The following CMIP variants were observed in gnomAD, a reference collection of about 807,000 sequenced individuals.
CMIP encodes the protein c-Maf inducing protein.
CMIP carries 13 observed loss-of-function variants against 97.3 expected under a neutral mutation model. The ratio of observed to expected loss-of-function variants is 0.13; its 90% CI spans 0.09 to 0.21. The LOEUF (loss-of-function observed/expected upper bound fraction) is 0.21. Ranked by LOEUF, CMIP falls within the 10% of genes least tolerant of loss-of-function variation. The probability of loss-of-function intolerance (pLI) is 1.00; values close to 1 mark genes in which losing one functional copy is unlikely to be tolerated. For missense variants in CMIP, 847 were observed against 1,024.9 expected (o/e 0.83, Z 2.37); for synonymous variants, 538 against 436.3 (o/e 1.23, Z -2.91).
intron 3 of CMIP, among the ~76,000 whole-genome samples, chr16:81,642,016 C>G (rs2092312127): frequency 6.6e-6 from 1 of 152,234 alleles, no homozygotes; most frequent in African/African-American, 2.4e-5. Context: ...TACCACTCAC[C>G]TCATTTAGTG....
intron 3 of CMIP, among the ~76,000 whole-genome samples, chr16:81,638,996 G>A (rs369782691): frequency 6.6e-6 from 1 of 152,170 alleles, no homozygotes; most frequent in Non-Finnish European, 1.5e-5. Flanking sequence ...GATTAGGACC[G>A]TGTGAAGATC....
rs1443925060 is a variant in CMIP at position 81,471,998 on chromosome 16, CAG to C, written c.300+26458_300+26459del. On this transcript the variant is annotated intron_variant, in intron 1 of 20. Coordinates refer to ENST00000537098, the MANE Select transcript of CMIP (RefSeq NM_198390.3). Reference sequence around the variant, plus strand: ...CACTGCAGAAAGTGAAACCTCAGCTCAGGGGGCACTGCTGCAGGTGCACACAC... The same window carrying C: ...CACTGCAGAAAGTGAAACCTCAGCTCGGGGCACTGCTGCAGGTGCACACAC... Among the ~76,000 whole-genome samples, 21 of 152,312 alleles carry C rather than the reference CAG, an allele frequency of 1.4e-4. 1 individual carries two copies. The highest frequency in any genetic ancestry group is 2.6e-4 in the Admixed American group (4 of 15,308).
intron 2 of CMIP, chr16:81,611,485 ATC>A (rs1479774874): frequency 6.6e-6 from 1 of 152,064 alleles, no homozygotes; most frequent in African/African-American, 2.4e-5. Context: ...ATCTCTCTCC[ATC>A]TCTGTCTCTT....
intron 1 of CMIP, among the ~76,000 whole-genome samples, chr16:81,527,366 C>A (rs976328901): frequency 7.3e-5 from 11 of 151,458 alleles, no homozygotes; most frequent in African/African-American, 2.7e-4. Flanking sequence ...TAGCTAGATA[C>A]CAGAAAAAAA....
chr16:81,692,969 C>T lies in CMIP; in HGVS notation c.1455-189C>T, dbSNP rs971703529. On this transcript the variant is annotated intron_variant, in intron 11 of 20. Coordinates refer to ENST00000537098, the MANE Select transcript of CMIP (RefSeq NM_198390.3). ...GTGTGTTCATGTTGCTCTGATCTGC[C>T]GCCTCCTCAAAGAAGGCCTTTGTTT... is the stretch of plus-strand genomic sequence containing the variant. 3.9e-5 allele frequency among the ~76,000 whole-genome samples: 6 copies of T among 152,150 alleles called. No individual in the cohort carries two copies. In the South Asian group the frequency reaches 8.3e-4, roughly 21 times the overall value.
intron 3 of CMIP, among the ~76,000 whole-genome samples, chr16:81,638,735 C>A (rs998622523): frequency 2.0e-5 from 3 of 152,056 alleles, no homozygotes; most frequent in African/African-American, 7.2e-5. Context: ...GTGTTCCTGC[C>A]CCAGTTCAGC....
chr16:81,475,849 TG>T (rs1907875853), intron 1 of CMIP, among the ~76,000 whole-genome samples: 1 of 151,716 alleles, frequency 6.6e-6, no homozygotes, highest in Non-Finnish European at 1.5e-5. Context: ...TAGCTGGGTG[TG>T]GTGGGGGGCG....
At chr16:81,537,546 CAAAAAAAAAAAAA>C (rs397695977) in intron 1 of CMIP, among the ~76,000 whole-genome samples, 1 of 82,086 alleles carries the variant, frequency 1.2e-5, no homozygotes, top group Non-Finnish European at 2.3e-5. Context: ...AAAAAAAAGA[CAAAAAAAAAAAAA>C]AAAAAAAAAA....
intron 1 of CMIP, among the ~76,000 whole-genome samples, chr16:81,558,167 A>G (rs1475605046): frequency 6.6e-6 from 1 of 152,130 alleles, no homozygotes; most frequent in Non-Finnish European, 1.5e-5. Context: ...TGTATGCTGC[A>G]CCATGCTTCT....
intron 1 of CMIP, among the ~76,000 whole-genome samples, chr16:81,492,642 G>A (rs565654901): frequency 1.3e-5 from 2 of 152,236 alleles, no homozygotes; most frequent in South Asian, 2.1e-4. Flanking sequence ...GGACAAAGGC[G>A]CCTTGGGAGG....
At chr16:81,461,026 G>A (rs902233361) in intron 1 of CMIP, among the ~76,000 whole-genome samples, 9 of 152,216 alleles carry the variant, frequency 5.9e-5, no homozygotes, top group African/African-American at 2.2e-4. Flanking sequence ...AAGAGGTCCC[G>A]CCCAGGTTTG....
At chr16:81,706,887 C>T (rs1908210037) in intron 19 of CMIP, 127 bp from the exon 20 acceptor site, 2 of 750,856 alleles carry the variant, frequency 2.7e-6, no homozygotes, top group African/African-American at 1.8e-5. Flanking sequence ...TACGAAACCT[C>T]CCTCCCCAGC....
chr16:81,689,967 A>G (rs1470526910), intron 10 of CMIP, among the ~76,000 whole-genome samples: 1 of 151,966 alleles, frequency 6.6e-6, no homozygotes, highest in African/African-American at 2.4e-5. Context: ...GTGGTTGTAG[A>G]TGTGTGGTAT....
intron 1 of CMIP, among the ~76,000 whole-genome samples, chr16:81,481,714 C>G (rs79501848): frequency 6.6e-6 from 1 of 152,156 alleles, no homozygotes; most frequent in East Asian, 1.9e-4. Context: ...CAGTGAGTCT[C>G]GTAGGGGCTA....
intron 1 of CMIP, among the ~76,000 whole-genome samples, chr16:81,555,260 C>T (rs2090738702): frequency 6.6e-6 from 1 of 152,226 alleles, no homozygotes; most frequent in South Asian, 2.1e-4. Flanking sequence ...TGGTGTGGTG[C>T]TGAGATAGAT....
At chr16:81,707,674 C>T (rs540530537) in intron 20 of CMIP, among the ~76,000 whole-genome samples, 7 of 152,220 alleles carry the variant, frequency 4.6e-5, no homozygotes, top group Non-Finnish European at 1.0e-4. Context: ...GAAAAAGGAT[C>T]GGAGGGTGGA....
chr16:81,560,166 AAG>A (rs2090850215), intron 1 of CMIP, among the ~76,000 whole-genome samples: 1 of 150,028 alleles, frequency 6.7e-6, no homozygotes, highest in African/African-American at 2.4e-5. Flanking sequence ...AAAAAAGAAA[AAG>A]AAAAAAAGTT....
intron 1 of CMIP, among the ~76,000 whole-genome samples, chr16:81,500,325 C>G (rs1231901045): frequency 4.8e-5 from 4 of 83,686 alleles, no homozygotes; most frequent in African/African-American, 1.7e-4. Context: ...CTCCCTGCCT[C>G]CCTCTGTCCC....
chr16:81,705,129 C>T (rs1048308077), intron 18 of CMIP, among the ~76,000 whole-genome samples: 1 of 152,132 alleles, frequency 6.6e-6, no homozygotes, highest in African/African-American at 2.4e-5. Context: ...AAACTGGGGA[C>T]AGTCCCTGCA....
Sources: allele counts gnomAD v4.1 joint callset (sites outside exome capture counted in the v4.1 genomes callset), GRCh38; gene constraint gnomAD v4.1.1; transcripts MANE v1.5; gene names NCBI Gene and HGNC (gene_info 2026-07-23, HGNC 2026-07-21).